The following MACROD2 variants were observed in gnomAD, a reference collection of about 807,000 sequenced individuals.
MACROD2 encodes mono-ADP ribosylhydrolase 2.
In MACROD2, 36 loss-of-function variants were observed where a neutral mutation model predicts 70.4. That is an observed-to-expected ratio of 0.51 (90% CI 0.39 to 0.68). The LOEUF is 0.68. MACROD2 is among the 30% of genes least tolerant of loss of function. The pLI, the probability that MACROD2 is intolerant of heterozygous loss-of-function variation, is 0.00. For missense variants in MACROD2, 496 were observed against 538.4 expected, an observed-to-expected ratio of 0.92 and a Z score of 0.78; for synonymous variants, 172 against 178.8, an observed-to-expected ratio of 0.96 and a Z score of 0.30.
chr20:15,704,439 G>A (rs79644149), intron 8 of MACROD2, among the ~76,000 whole-genome samples: 8,719 of 152,178 alleles, frequency 0.057, 321 homozygotes, highest in African/African-American at 0.11. Flanking sequence ...AAAACCCTCC[G>A]TTAGAGATTG....
intron 5 of MACROD2, among the ~76,000 whole-genome samples, chr20:14,904,622 C>CT (rs1439933512): frequency 6.6e-6 from 1 of 152,110 alleles, no homozygotes; most frequent in Non-Finnish European, 1.5e-5. Context: ...TTGGAATCAT[C>CT]TGTTTTCAGA....
At chr20:14,441,749 T>C (rs1227698357) in intron 3 of MACROD2, among the ~76,000 whole-genome samples, 1 of 152,192 alleles carries the variant, frequency 6.6e-6, no homozygotes, top group Non-Finnish European at 1.5e-5. Flanking sequence ...CTAGTTACTA[T>C]GTGCCTCATA....
intron 3 of MACROD2, among the ~76,000 whole-genome samples, chr20:14,353,292 T>A (rs1216147322): frequency 6.6e-6 from 1 of 152,126 alleles, no homozygotes; most frequent in Non-Finnish European, 1.5e-5. Context: ...TAATTACTCA[T>A]CTGTTATAAT....
intron 5 of MACROD2, among the ~76,000 whole-genome samples, chr20:14,966,583 T>C (rs1012858064): frequency 2.6e-5 from 4 of 152,136 alleles, no homozygotes; most frequent in African/African-American, 7.2e-5. Flanking sequence ...CTTCAGATGC[T>C]TCTTCATCAC....
At chr20:15,842,630 A>G (rs6034303) in intron 8 of MACROD2, among the ~76,000 whole-genome samples, 131,441 of 151,866 alleles carry the variant, frequency 0.87, 57,160 homozygotes, top group East Asian at 0.99. Flanking sequence ...AATTTGTTTT[A>G]AATTCTACTG....
At chr20:15,346,972 G>A (rs185178062) in intron 6 of MACROD2, among the ~76,000 whole-genome samples, 7 of 152,290 alleles carry the variant, frequency 4.6e-5, no homozygotes, top group South Asian at 4.2e-4. Flanking sequence ...ATGGTCAGGT[G>A]CTAGAGAGAA....
intron 4 of MACROD2, among the ~76,000 whole-genome samples, chr20:14,682,870 C>CTTTATTTTTATTTA (rs1291896977): frequency 3.9e-5 from 6 of 151,952 alleles, no homozygotes; most frequent in Non-Finnish European, 8.8e-5. Context: ...AGAGAAAAAA[C>CTTTATTTTTATTTA]TTTATTTTTA....
At chr20:15,753,127 T>C (rs2051297912) in intron 8 of MACROD2, among the ~76,000 whole-genome samples, 1 of 152,130 alleles carries the variant, frequency 6.6e-6, no homozygotes, top group Non-Finnish European at 1.5e-5. Context: ...TTTTTAAATA[T>C]ATTTTCAACT....
intron 5 of MACROD2, among the ~76,000 whole-genome samples, chr20:15,067,100 A>G (rs1184505831): frequency 6.6e-6 from 1 of 152,184 alleles, no homozygotes; most frequent in East Asian, 1.9e-4. Flanking sequence ...AGAGTCAGAA[A>G]CAAATTCCGA....
intron 5 of MACROD2, among the ~76,000 whole-genome samples, chr20:15,014,850 T>A (rs1442920524): frequency 6.6e-6 from 1 of 152,182 alleles, no homozygotes; most frequent in Non-Finnish European, 1.5e-5. Flanking sequence ...TCATATATTT[T>A]ATAAAATATA....
intron 4 of MACROD2, among the ~76,000 whole-genome samples, chr20:14,522,201 T>G (rs2085176131): frequency 1.3e-5 from 2 of 152,166 alleles, no homozygotes; most frequent in African/African-American, 2.4e-5. Context: ...AAAAAGCTAT[T>G]CTATTTAAAA....
intron 4 of MACROD2, among the ~76,000 whole-genome samples, chr20:14,619,640 A>G (rs547780801): frequency 9.9e-5 from 15 of 152,018 alleles, no homozygotes; most frequent in Admixed American, 4.6e-4. Flanking sequence ...TTTGTCACCC[A>G]TTTGTATTCC....
chr20:14,434,491 A>G (rs750549609), intron 3 of MACROD2, among the ~76,000 whole-genome samples: 1 of 151,942 alleles, frequency 6.6e-6, no homozygotes, highest in Non-Finnish European at 1.5e-5. Flanking sequence ...TTGGCACCTG[A>G]TGCCCTTGCA....
Position 15,202,370 on chromosome 20 carries a change from T to C in MACROD2, c.419-27570T>C, listed in dbSNP as rs145731651. ...TCAATGAGGTAGACGTCCTTAAATT[T>C]ACTATCAGGTTAAGAAAAGAGCAGA... On this transcript the variant is annotated intron_variant, in intron 5 of 17. Transcript: ENST00000684519. 2.0e-5 allele frequency among the ~76,000 whole-genome samples: 3 copies of C among 152,294 alleles called. No individual in the cohort carries two copies. In the East Asian group the frequency reaches 5.8e-4, roughly 29 times the overall value.
chr20:14,855,844 G>C (rs865959797), intron 5 of MACROD2, among the ~76,000 whole-genome samples: 6 of 151,672 alleles, frequency 4.0e-5, no homozygotes, highest in African/African-American at 1.5e-4. Context: ...TTAGTTGTAG[G>C]CATCTAAAAT....
chr20:15,594,568 A>G (rs1184561024), intron 8 of MACROD2, among the ~76,000 whole-genome samples: 1 of 152,098 alleles, frequency 6.6e-6, no homozygotes, highest in Non-Finnish European at 1.5e-5. Flanking sequence ...TCCCACCAAC[A>G]CTAGGCATTA....
At chr20:14,956,410 GT>G (rs1264774315) in intron 5 of MACROD2, among the ~76,000 whole-genome samples, 1 of 152,128 alleles carries the variant, frequency 6.6e-6, no homozygotes, top group Non-Finnish European at 1.5e-5. Flanking sequence ...GCCCTTTAAG[GT>G]GAGACCATAT....
intron 3 of MACROD2, among the ~76,000 whole-genome samples, chr20:14,318,397 T>G (rs2082631163): frequency 6.6e-6 from 1 of 152,172 alleles, no homozygotes; most frequent in South Asian, 2.1e-4. Flanking sequence ...CCTTGAAGTT[T>G]ATTTCTAATC....
At chr20:15,174,645 C>T (rs1311435404) in intron 5 of MACROD2, among the ~76,000 whole-genome samples, 1 of 152,176 alleles carries the variant, frequency 6.6e-6, no homozygotes, top group African/African-American at 2.4e-5. Context: ...TCCTATTTCT[C>T]CACATCCTCT....
Sources: gnomAD v4.1 joint callset for allele counts (sites outside exome capture counted in the v4.1 genomes callset) on GRCh38, gnomAD v4.1.1 for gene constraint, MANE v1.5 for transcripts, NCBI Gene and HGNC (gene_info 2026-07-23, HGNC 2026-07-21) for gene names.